CADPS2: variants seen among roughly 807,000 people sequenced by gnomAD.
CADPS2 encodes the protein calcium dependent secretion activator 2.
CADPS2 carries 93 observed loss-of-function variants against 172.5 expected under a neutral mutation model. The observed-to-expected ratio is 0.54, with a 90% CI of 0.46 to 0.64. The LOEUF (loss-of-function observed/expected upper bound fraction) is 0.64. Ranked by LOEUF, CADPS2 falls within the 30% of genes least tolerant of loss-of-function variation. The pLI is 0.00. For missense variants in CADPS2, 1,420 were observed against 1,565.9 expected (o/e 0.91, Z 1.57); for synonymous variants, 546 against 555.2 (o/e 0.98, Z 0.23).
chr7:122,442,133 C>T (rs2051436072), intron 15 of CADPS2, among the ~76,000 whole-genome samples: 1 of 152,194 alleles, frequency 6.6e-6, no homozygotes. Context: ...TCTAGTTCTA[C>T]ATATTCCTAC....
At chr7:122,366,413 G>A (rs1425555005) in intron 25 of CADPS2, among the ~76,000 whole-genome samples, 1 of 149,030 alleles carries the variant, frequency 6.7e-6, no homozygotes, top group African/African-American at 2.5e-5. Context: ...GACCAGCCTG[G>A]CCAACATAGT....
chr7:122,631,939 A>G (rs1860857), intron 3 of CADPS2, among the ~76,000 whole-genome samples: 118,126 of 152,040 alleles, frequency 0.78, 46,384 homozygotes, highest in Middle Eastern at 0.92. Context: ...AGAATGTGTG[A>G]TATTTGGTTT....
chr7:122,601,391 C>T lies in CADPS2; in HGVS notation c.1223+13790G>A, dbSNP rs199802800. On this transcript the variant is annotated intron_variant, in intron 6 of 29. Coordinates refer to ENST00000449022, the MANE Select transcript of CADPS2 (RefSeq NM_017954.11). The stretch of plus-strand genomic sequence containing the variant: ...TATAAGCCAAAAGACTTCACATCTT[C>T]GCCAACCAGATCCATCTTGCATTTT... Among the ~76,000 whole-genome samples the T allele has an allele frequency of 1.4e-4, 22 of 152,098 alleles. No homozygotes were observed. In the East Asian group the frequency reaches 3.1e-3, roughly 21 times the overall value.
In CADPS2 at chr7:122,862,158, A is replaced by G. The variant is rs773456802; in HGVS notation, c.339+23841T>C. ...GCTATAGGAAGGCTACAGGAAGGAC[A>G]TATCTGCAGAGAGAGGTAAAAGTGG... On this transcript the variant is annotated intron_variant, in intron 1 of 29. Coordinates refer to ENST00000449022, the MANE Select transcript of CADPS2 (RefSeq NM_017954.11). Among the ~76,000 whole-genome samples, 92 of 152,230 alleles carry G rather than the reference A, an allele frequency of 6.0e-4. 1 individual carries two copies. Among genetic ancestry groups the G allele is most frequent in the Admixed American group, 3.9e-4 (6 of 15,290 alleles).
At chr7:122,850,563 CAG>C (rs1813288287) in intron 1 of CADPS2, among the ~76,000 whole-genome samples, 1 of 152,304 alleles carries the variant, frequency 6.6e-6, no homozygotes, top group East Asian at 1.9e-4. Context: ...GGTGCTTAAG[CAG>C]AAGTATTAAC....
intron 20 of CADPS2, among the ~76,000 whole-genome samples, chr7:122,407,002 T>A (rs1408397388): frequency 6.6e-6 from 1 of 152,204 alleles, no homozygotes; most frequent in Admixed American, 6.5e-5. Context: ...AAATTGAGAA[T>A]AAAAGTATCA....
intron 1 of CADPS2, among the ~76,000 whole-genome samples, chr7:122,792,523 G>A (rs373235184): frequency 3.9e-5 from 6 of 152,222 alleles, no homozygotes. Context: ...TTGTTTATAA[G>A]CTACCCAGTT....
chr7:122,722,716 T>C (rs199686494), intron 2 of CADPS2, among the ~76,000 whole-genome samples: 6,611 of 121,130 alleles, frequency 0.055, 254 homozygotes, highest in South Asian at 0.13. Context: ...GAGCCTGCAT[T>C]GCCAAGACAA....
intron 9 of CADPS2, among the ~76,000 whole-genome samples, chr7:122,503,770 A>T (rs1330687193): frequency 6.6e-6 from 1 of 152,158 alleles, no homozygotes; most frequent in Non-Finnish European, 1.5e-5. Flanking sequence ...ATGCATCTAC[A>T]GTGAATTTTT....
At chr7:122,779,654 T>C (rs939626313) in intron 1 of CADPS2, among the ~76,000 whole-genome samples, 1 of 152,062 alleles carries the variant, frequency 6.6e-6, no homozygotes, top group African/African-American at 2.4e-5. Flanking sequence ...AAACTTTGTT[T>C]CCCCCCTTTC....
chr7:122,822,963 GC>G (rs1474762641), intron 1 of CADPS2, among the ~76,000 whole-genome samples: 1 of 152,076 alleles, frequency 6.6e-6, no homozygotes, highest in Non-Finnish European at 1.5e-5. Flanking sequence ...CTCACACAAA[GC>G]CTGTTTGGTG....
In CADPS2 at chr7:122,327,042, G is replaced by C. The variant is rs118123338; in HGVS notation, c.3613-1461C>G. Among the ~76,000 whole-genome samples the C allele has an allele frequency of 6.6e-4, 100 of 151,938 alleles. 2 individuals carry two copies. In the East Asian group the frequency reaches 0.018, roughly 27 times the overall value. On this transcript the variant is annotated intron_variant, in intron 28 of 29. Coordinates refer to ENST00000449022, the MANE Select transcript of CADPS2 (RefSeq NM_017954.11). ...ATATGTTATTCCTGTATCTAATTTT[G>C]CTCCTTCCTAATGAGCACTTTCCTA...
At chr7:122,658,918 T>TA (rs199711943) in intron 3 of CADPS2, among the ~76,000 whole-genome samples, 4,221 of 147,922 alleles carry the variant, frequency 0.029, 85 homozygotes, top group South Asian at 0.095. Flanking sequence ...TAATAATATG[T>TA]AAAAAAAAAA....
intron 1 of CADPS2, among the ~76,000 whole-genome samples, chr7:122,869,221 G>A (rs1459744149): frequency 1.3e-5 from 2 of 152,032 alleles, no homozygotes; most frequent in Non-Finnish European, 2.9e-5. Context: ...CACCTAATAT[G>A]ATGAATCCAG....
intron 9 of CADPS2, among the ~76,000 whole-genome samples, chr7:122,495,547 C>T (rs963217305): frequency 1.4e-4 from 22 of 152,110 alleles, no homozygotes; most frequent in Non-Finnish European, 2.9e-4. Flanking sequence ...ACACTTTAAC[C>T]ACTATCCTAG....
At chr7:122,702,778 C>T (rs1209117813) in intron 2 of CADPS2, 2 of 1,481,886 alleles carry the variant, frequency 1.3e-6, no homozygotes, top group South Asian at 2.6e-5. Context: ...AAGAGACAAA[C>T]ATGAGAAAAC....
intron 9 of CADPS2, among the ~76,000 whole-genome samples, chr7:122,503,418 GT>G (rs36048476): frequency 0.053 from 8,041 of 152,154 alleles, 277 homozygotes; most frequent in Non-Finnish European, 0.055. Flanking sequence ...TGATTTAGTG[GT>G]TTTTATCTTA....
intron 1 of CADPS2, among the ~76,000 whole-genome samples, chr7:122,869,012 T>A (rs760581668): frequency 6.6e-6 from 1 of 151,688 alleles, no homozygotes; most frequent in Non-Finnish European, 1.5e-5. Context: ...TCTGAGGAGC[T>A]AAATGAAAAA....
intron 8 of CADPS2, among the ~76,000 whole-genome samples, chr7:122,530,975 C>T (rs999544633): frequency 3.3e-5 from 5 of 151,918 alleles, no homozygotes; most frequent in African/African-American, 1.2e-4. Flanking sequence ...CCCTGGTGGG[C>T]GTAAGATAGG....
Sources: allele counts gnomAD v4.1 joint callset (sites outside exome capture counted in the v4.1 genomes callset), GRCh38; gene constraint gnomAD v4.1.1; transcripts MANE v1.5; gene names NCBI Gene and HGNC (gene_info 2026-07-23, HGNC 2026-07-21).